The following NTNG1 variants were observed in gnomAD, a reference collection of about 807,000 sequenced individuals.
The protein encoded by NTNG1 is netrin-G1.
NTNG1 carries 16 observed loss-of-function variants against 54.0 expected under a neutral mutation model. The ratio of observed to expected loss-of-function variants is 0.30; its 90% CI spans 0.20 to 0.45. The LOEUF is 0.45. NTNG1 is among the 20% of genes least tolerant of loss of function. NTNG1 has a pLI of 1.00. For synonymous variants in NTNG1, 255 were observed against 263.1 expected (o/e 0.97, Z 0.30); for missense variants, 530 against 678.7 (o/e 0.78, Z 2.43).
At chr1:107,446,433 C>A (rs116686204) in intron 7 of NTNG1, among the ~76,000 whole-genome samples, 3 of 152,056 alleles carry the variant, frequency 2.0e-5, no homozygotes, top group African/African-American at 7.2e-5. Context: ...CAGGAACAAC[C>A]CGTCATCTTG....
chr1:107,444,775 A>G (rs1212908864), intron 7 of NTNG1, among the ~76,000 whole-genome samples: 1 of 152,160 alleles, frequency 6.6e-6, no homozygotes, highest in Non-Finnish European at 1.5e-5. Flanking sequence ...ATGCAGGCAC[A>G]GTTTTATCTG....
intron 2 of NTNG1, among the ~76,000 whole-genome samples, chr1:107,160,028 TG>T: frequency 6.6e-6 from 1 of 152,292 alleles, no homozygotes; most frequent in East Asian, 1.9e-4. Context: ...ATCATATTCT[TG>T]TGGGTGAGGT....
chr1:107,480,733 G>T lies in NTNG1; in HGVS notation c.1513G>T (p.Ala505Ser). The T allele has an allele frequency of 6.2e-7, 1 of 1,609,554 alleles. No individual in the cohort carries two copies. Among genetic ancestry groups the T allele is most frequent in the Admixed American group, 1.7e-5 (1 of 59,850 alleles). ...CTGCGAGAAGCTGCGGTGCGAGGAGGCTGGCAGCTGCGGCTCCGACTCTGG... is the reference window on the plus strand; with the variant it reads ...CTGCGAGAAGCTGCGGTGCGAGGAGTCTGGCAGCTGCGGCTCCGACTCTGG... ...ILCEKLRCEE[A>S]GSCGSDSGQG... is the part of the protein sequence containing the mutation. The change falls in exon 8 of 8, where the codon GCT (alanine) becomes TCT (serine). Residue 505 changes from alanine to serine, a missense_variant. By Grantham distance (99) the Ala-to-Ser change is moderately conservative. Transcript: ENST00000370068.
chr1:107,394,627 T>C (rs1672566260), intron 3 of NTNG1, among the ~76,000 whole-genome samples: 1 of 152,196 alleles, frequency 6.6e-6, no homozygotes, highest in South Asian at 2.1e-4. Flanking sequence ...GAGTGCAGAA[T>C]GAGAACACTT....
intron 2 of NTNG1, among the ~76,000 whole-genome samples, chr1:107,285,899 T>C (rs903131971): frequency 1.3e-5 from 2 of 152,074 alleles, no homozygotes; most frequent in Admixed American, 6.6e-5. Context: ...CTTTTTATCT[T>C]GATGTGTGAC....
chr1:107,269,740 A>G (rs751882819), intron 2 of NTNG1, among the ~76,000 whole-genome samples: 3 of 152,214 alleles, frequency 2.0e-5, no homozygotes, highest in Non-Finnish European at 1.5e-5. Context: ...TTATGGTTGT[A>G]AACTTGGCAT....
Position 107,180,662 on chromosome 1 carries a change from A to G in NTNG1, c.246+31823A>G, listed in dbSNP as rs1167042766. On this transcript the variant is annotated intron_variant, in intron 2 of 7. Transcript: ENST00000370068. ...ATGTCACAAAATCTCTATTCTGAAT[A>G]TATTGCCTTTATTTTGTAACATTGC... Among the ~76,000 whole-genome samples, 5 of 152,294 alleles carry G rather than the reference A, an allele frequency of 3.3e-5. No individual in the cohort carries two copies. In the East Asian group the frequency reaches 9.6e-4, roughly 29 times the overall value.
chr1:107,222,516 A>T lies in NTNG1; in HGVS notation c.246+73677A>T, dbSNP rs534332185. ...AGTTTAGCAGAGTGCCTGTAATATA[A>T]TTAAGACATCATAAGTACTTATTAA... On this transcript the variant is annotated intron_variant, in intron 2 of 7. Transcript: ENST00000370068. 2.0e-5 allele frequency among the ~76,000 whole-genome samples: 3 copies of T among 152,268 alleles called. No individual in the cohort carries two copies. The South Asian group carries it at 6.2e-4, about 32-fold the overall frequency.
chr1:107,181,464 A>G (rs780854528), intron 2 of NTNG1, among the ~76,000 whole-genome samples: 4 of 130,678 alleles, frequency 3.1e-5, no homozygotes, highest in Non-Finnish European at 5.1e-5. Context: ...ATGCTACTGA[A>G]AAGTCTTAAG....
At chr1:107,291,512 T>A (rs1414813792) in intron 2 of NTNG1, among the ~76,000 whole-genome samples, 1 of 152,180 alleles carries the variant, frequency 6.6e-6, no homozygotes, top group Non-Finnish European at 1.5e-5. Flanking sequence ...TAGACAAATA[T>A]GTATGTGTGT....
At position 107,484,415 on chromosome 1, in the gene NTNG1, T is replaced by C. The variant is rs751943314; in HGVS notation, c.*3575T>C. Among the ~76,000 whole-genome samples the C allele has an allele frequency of 1.3e-5, 2 of 152,194 alleles. No homozygotes were observed. The highest frequency in any genetic ancestry group is 2.9e-5 in the Non-Finnish European group (2 of 68,036). ...GTCAAAGTGGCAGGATGGAAGATAA[T>C]TTAACAGTTTGTTAGCTTTATGTAT... On this transcript the variant is annotated 3_prime_UTR_variant, in exon 8 of 8. Coordinates refer to ENST00000370068, the MANE Select transcript of NTNG1 (RefSeq NM_001113226.3).
intron 2 of NTNG1, among the ~76,000 whole-genome samples, chr1:107,174,730 T>C (rs951370054): frequency 6.6e-6 from 1 of 152,104 alleles, no homozygotes; most frequent in African/African-American, 2.4e-5. Flanking sequence ...CTTTTGGAGA[T>C]GAAATTTAGA....
chr1:107,307,890 A>G (rs1666779830), intron 2 of NTNG1, among the ~76,000 whole-genome samples: 1 of 152,104 alleles, frequency 6.6e-6, no homozygotes, highest in Admixed American at 6.6e-5. Flanking sequence ...GGGGAGGGTA[A>G]CATACATTGT....
rs1053673629 is a variant in NTNG1, at chr1:107,242,148, C to T, written c.247-82134C>T. Among the ~76,000 whole-genome samples the T allele has an allele frequency of 2.0e-5, 3 of 151,862 alleles. No homozygotes were observed. In the South Asian group the frequency reaches 6.3e-4, roughly 32 times the overall value. ...CATTATCTGAGCGTGGTGTTGCGTG[C>T]CTGTAGTCCCAGCTACTTGGAGGAG... On this transcript the variant is annotated intron_variant, in intron 2 of 7. Coordinates refer to ENST00000370068, the MANE Select transcript of NTNG1 (RefSeq NM_001113226.3).
intron 3 of NTNG1, among the ~76,000 whole-genome samples, chr1:107,381,348 TAAAAAAAAAAAAA>T (rs10598493): frequency 5.8e-5 from 3 of 51,616 alleles, no homozygotes; most frequent in East Asian, 1.4e-3. Flanking sequence ...TCTCTTTAAC[TAAAAAAAAAAAAA>T]AAAAAAAAAA....
At chr1:107,189,286 G>T (rs143410988) in intron 2 of NTNG1, among the ~76,000 whole-genome samples, 1 of 150,636 alleles carries the variant, frequency 6.6e-6, no homozygotes, top group Non-Finnish European at 1.5e-5. Flanking sequence ...AGGAGGCAGA[G>T]GTTGCAGTGA....
chr1:107,190,825 G>A lies in NTNG1; in HGVS notation c.246+41986G>A, dbSNP rs939190678. Among the ~76,000 whole-genome samples, 85 of 152,108 alleles carry A rather than the reference G, an allele frequency of 5.6e-4. 1 individual carries two copies. The highest frequency in any genetic ancestry group is 5.2e-3 in the Admixed American group (80 of 15,260). ...CCACATTTTCTTAATCCAGTCTATCGTTGTTGGACATTGAGGTTGGTTCCA... is the reference window on the plus strand; with the variant it reads ...CCACATTTTCTTAATCCAGTCTATCATTGTTGGACATTGAGGTTGGTTCCA... On this transcript the variant is annotated intron_variant, in intron 2 of 7. Transcript: ENST00000370068.
chr1:107,188,194 A>C (rs1272159292), intron 2 of NTNG1, among the ~76,000 whole-genome samples: 3 of 152,132 alleles, frequency 2.0e-5, no homozygotes, highest in South Asian at 4.1e-4. Context: ...TGAAGCGACA[A>C]TAGATCTGAA....
At chr1:107,415,217 T>C (rs1674115932) in intron 5 of NTNG1, among the ~76,000 whole-genome samples, 1 of 152,146 alleles carries the variant, frequency 6.6e-6, no homozygotes, top group South Asian at 2.1e-4. Context: ...TACAAGCATA[T>C]CGTGATCCTT....
Sources: allele counts gnomAD v4.1 joint callset (sites outside exome capture counted in the v4.1 genomes callset), GRCh38; gene constraint gnomAD v4.1.1; transcripts MANE v1.5; gene names NCBI Gene and HGNC (gene_info 2026-07-23, HGNC 2026-07-21).